Variants in YAE1 observed in about 807,000 individuals in gnomAD.
The protein encoded by YAE1 is protein YAE1 homolog.
In YAE1, 22 loss-of-function variants were observed where a neutral mutation model predicts 23.0. The observed-to-expected ratio is 0.96, with a 90% CI of 0.68 to 1.37. YAE1 has a LOEUF of 1.37. Among genes scored for constraint, YAE1 ranks in the 40% most tolerant of loss-of-function variants. The probability of loss-of-function intolerance (pLI) is 0.00; values close to 1 mark genes in which losing one functional copy is unlikely to be tolerated. For synonymous variants in YAE1, 101 were observed against 97.0 expected (o/e 1.04, Z -0.24); for missense variants, 260 against 262.1 (o/e 0.99, Z 0.06).
intron 2 of YAE1, among the ~76,000 whole-genome samples, chr7:39,589,295 CAT>C (rs1790866534): frequency 6.6e-6 from 1 of 152,128 alleles, no homozygotes; most frequent in African/African-American, 2.4e-5. Flanking sequence ...CCCATGAACA[CAT>C]GTGTTTTAGA....
chr7:39,587,919 T>G (rs1384217462), intron 2 of YAE1, among the ~76,000 whole-genome samples: 1 of 152,214 alleles, frequency 6.6e-6, no homozygotes, highest in Non-Finnish European at 1.5e-5. Flanking sequence ...AACTTTTGTA[T>G]ATATCCTTAC....
At chr7:39,601,227 A>AT (rs1791051286) in intron 2 of YAE1, among the ~76,000 whole-genome samples, 6 of 152,238 alleles carry the variant, frequency 3.9e-5, no homozygotes, top group Admixed American at 3.9e-4. Context: ...TGTGCCAGGA[A>AT]CATGCTTAAT....
At chr7:39,575,326 G>A (rs768956755), downstream of YAE1, among the ~76,000 whole-genome samples, 2 of 152,126 alleles carry the variant, frequency 1.3e-5, no homozygotes, top group Non-Finnish European at 2.9e-5. Flanking sequence ...AACTGCTGAG[G>A]CCACCAAAAA....
At chr7:39,569,533 A>T in intron 1 of YAE1, 1 of 497,690 alleles carries the variant, frequency 2.0e-6, no homozygotes, top group Admixed American at 2.5e-5. Flanking sequence ...GCAGATTCTG[A>T]TAATTTTTTT....
At chr7:39,575,537 GGA>G (rs56954676), downstream of YAE1, among the ~76,000 whole-genome samples, 5,924 of 131,066 alleles carry the variant, frequency 0.045, 76 homozygotes, top group Middle Eastern at 0.085. Context: ...CTAAGATACA[GGA>G]GAGAGAGAGA....
chr7:39,598,412 G>GTTTTT (rs3038990), intron 2 of YAE1, among the ~76,000 whole-genome samples: 2 of 140,950 alleles, frequency 1.4e-5, no homozygotes, highest in African/African-American at 2.6e-5. Flanking sequence ...CCTGGGCCAA[G>GTTTTT]TTTTTTTTTT....
chr7:39,576,769 A>G (rs1790661836), downstream of YAE1, among the ~76,000 whole-genome samples: 5 of 152,162 alleles, frequency 3.3e-5, no homozygotes, highest in South Asian at 1.0e-3. Flanking sequence ...CCCTGTACAT[A>G]GATGCATAGG....
At chr7:39,579,662 T>G (rs868662442) in intron 2 of YAE1, among the ~76,000 whole-genome samples, 12 of 100,328 alleles carry the variant, frequency 1.2e-4, no homozygotes, top group Admixed American at 1.9e-4. Context: ...AGTGAGACTC[T>G]GTCTCAAAAA....
intron 2 of YAE1, among the ~76,000 whole-genome samples, chr7:39,586,841 G>A (rs1034822047): frequency 6.6e-6 from 1 of 152,162 alleles, no homozygotes; most frequent in Non-Finnish European, 1.5e-5. Context: ...CAGGGACTGG[G>A]ATAAACACTT....
At chr7:39,595,797 T>C (rs1790964546) in intron 2 of YAE1, among the ~76,000 whole-genome samples, 1 of 152,170 alleles carries the variant, frequency 6.6e-6, no homozygotes, top group Non-Finnish European at 1.5e-5. Flanking sequence ...CCTAGAATGA[T>C]GAGTTTAAAA....
intron 1 of YAE1, chr7:39,566,816 G>A (rs1790476752): frequency 2.8e-6 from 1 of 352,324 alleles, no homozygotes; most frequent in Admixed American, 3.8e-5. Flanking sequence ...ACAGTTTGCA[G>A]TTTGTTGAGG....
chr7:39,570,036 A>G (rs1790539960), intron 1 of YAE1: 2 of 1,366,950 alleles, frequency 1.5e-6, no homozygotes, highest in Non-Finnish European at 2.1e-6. Flanking sequence ...GCAGGGCACC[A>G]CGGGGCATAA....
At chr7:39,611,970 T>C (rs1194497649), downstream of YAE1, among the ~76,000 whole-genome samples, 1 of 152,224 alleles carries the variant, frequency 6.6e-6, no homozygotes, top group African/African-American at 2.4e-5. Context: ...TATTCAAAGA[T>C]TCCTTATTAA....
In YAE1 at chr7:39,566,437, G is replaced by C. The variant is rs143928572; in HGVS notation, c.19G>C (p.Ala7Pro). 14 of 1,614,048 alleles carry C rather than the reference G, an allele frequency of 8.7e-6. No individual in the cohort carries two copies. The highest frequency in any genetic ancestry group is 2.7e-5 in the African/African-American group (2 of 74,946). MSWVQA[A>P]SLIQGPGDKG... is the part of the protein sequence containing the mutation. ...CTCGGTGATGTCGTGGGTTCAAGCAGCCTCCTTGATCCAGGGCCCTGGAGA... is the reference window on the plus strand; with the variant it reads ...CTCGGTGATGTCGTGGGTTCAAGCACCCTCCTTGATCCAGGGCCCTGGAGA... The change falls in exon 1 of 3, where the codon GCC becomes CCC. Residue 7 changes from alanine (A) to proline (P), a missense_variant. Coordinates refer to ENST00000223273, the MANE Select transcript of YAE1 (RefSeq NM_020192.5).
At chr7:39,604,653 A>G (rs1021467684) in intron 2 of YAE1, among the ~76,000 whole-genome samples, 2 of 152,348 alleles carry the variant, frequency 1.3e-5, no homozygotes, top group South Asian at 4.1e-4. Flanking sequence ...TAGTAGTTAT[A>G]TAGTCATAAA....
chr7:39,595,768 A>G (rs2115831107), intron 2 of YAE1, among the ~76,000 whole-genome samples: 1 of 152,302 alleles, frequency 6.6e-6, no homozygotes, highest in East Asian at 1.9e-4. Context: ...GGTGGCATAC[A>G]ACATGGGTGA....
intron 2 of YAE1, among the ~76,000 whole-genome samples, chr7:39,584,167 C>G (rs1392488416): frequency 6.6e-6 from 1 of 151,878 alleles, no homozygotes; most frequent in Non-Finnish European, 1.5e-5. Context: ...TAAAAGAAAA[C>G]TAAGGAAGGA....
intron 2 of YAE1, among the ~76,000 whole-genome samples, chr7:39,595,107 A>G (rs1379352231): frequency 6.6e-6 from 1 of 152,060 alleles, no homozygotes; most frequent in Non-Finnish European, 1.5e-5. Context: ...TTCTCCGCTG[A>G]AAAAAGTAAC....
chr7:39,608,375 C>T (rs75397663), intron 2 of YAE1, among the ~76,000 whole-genome samples: 8,273 of 152,096 alleles, frequency 0.054, 292 homozygotes, highest in East Asian at 0.12. Context: ...CAAGTGACTG[C>T]TGACAAGAGA....
Sources: allele counts gnomAD v4.1 joint callset (sites outside exome capture counted in the v4.1 genomes callset), GRCh38; gene constraint gnomAD v4.1.1; transcripts MANE v1.5; gene names NCBI Gene and HGNC (gene_info 2026-07-23, HGNC 2026-07-21).